Variants in PALM2AKAP2 observed in about 807,000 individuals in gnomAD.
The protein encoded by PALM2AKAP2 is PALM2 and AKAP2 fusion.
In PALM2AKAP2, 37 loss-of-function variants were observed where a neutral mutation model predicts 71.5. The observed-to-expected ratio is 0.52, with a 90% CI of 0.40 to 0.68. The LOEUF (loss-of-function observed/expected upper bound fraction) is 0.68, where lower values mean the gene tolerates loss of function less well. PALM2AKAP2 is among the 30% of genes least tolerant of loss of function. The pLI, the probability that PALM2AKAP2 is intolerant of heterozygous loss-of-function variation, is 0.00. For synonymous variants in PALM2AKAP2, 468 were observed against 478.8 expected (o/e 0.98, Z 0.29); for missense variants, 1,224 against 1,191.8 (o/e 1.03, Z -0.40).
chr9:109,865,494 G>T lies in PALM2AKAP2; in HGVS notation c.46-1997G>T, dbSNP rs148940993. 4.5e-3 allele frequency among the ~76,000 whole-genome samples: 680 copies of T among 152,180 alleles called. 3 individuals are homozygous for T. The highest frequency in any genetic ancestry group is 0.016 in the African/African-American group (650 of 41,494). On this transcript the variant is annotated intron_variant, in intron 1 of 9. Coordinates refer to the PALM2AKAP2 transcript ENST00000302798. Reference sequence around the variant, plus strand: ...GATCACCAATGAGCCTGCTGCTTGAGCATGTAAAGGTCCACTGCCCATACT... The same window carrying T: ...GATCACCAATGAGCCTGCTGCTTGATCATGTAAAGGTCCACTGCCCATACT...
chr9:109,859,642 C>T (rs1829260260), intron 1 of PALM2AKAP2, among the ~76,000 whole-genome samples: 1 of 152,152 alleles, frequency 6.6e-6, no homozygotes. Flanking sequence ...ATGGCAAGCT[C>T]AAGTCCAAAT....
At chr9:110,131,156 C>T (rs533351058) in intron 1 of PALM2AKAP2, among the ~76,000 whole-genome samples, 96 of 152,162 alleles carry the variant, frequency 6.3e-4, no homozygotes, top group African/African-American at 2.0e-3. Context: ...TAAATTGCCC[C>T]GATCAAGTAT....
intron 1 of PALM2AKAP2, among the ~76,000 whole-genome samples, chr9:109,816,520 C>A (rs1457849336): frequency 6.6e-6 from 1 of 152,034 alleles, no homozygotes; most frequent in Non-Finnish European, 1.5e-5. Flanking sequence ...CTAAACAGTT[C>A]CACATTTAGT....
chr9:109,989,085 T>G (rs55919029), intron 6 of PALM2AKAP2, among the ~76,000 whole-genome samples: 7,038 of 152,266 alleles, frequency 0.046, 265 homozygotes, highest in East Asian at 0.13. Flanking sequence ...CCAGTCTCAG[T>G]TATATCTTTA....
At chr9:109,688,152 C>T (rs1016312092) in intron 1 of PALM2AKAP2, among the ~76,000 whole-genome samples, 2 of 152,120 alleles carry the variant, frequency 1.3e-5, no homozygotes, top group Non-Finnish European at 2.9e-5. Flanking sequence ...CAAGAATGAC[C>T]AAAATGCGAC....
intron 1 of PALM2AKAP2, among the ~76,000 whole-genome samples, chr9:109,688,468 CT>C (rs1050497781): frequency 6.6e-6 from 1 of 152,214 alleles, no homozygotes; most frequent in African/African-American, 2.4e-5. Flanking sequence ...TTGTCAAGGA[CT>C]TTAGTGCAAG....
At chr9:109,667,126 G>A (rs928262209) in intron 1 of PALM2AKAP2, among the ~76,000 whole-genome samples, 1 of 152,174 alleles carries the variant, frequency 6.6e-6, no homozygotes, top group African/African-American at 2.4e-5. Context: ...CGTATTCTGA[G>A]CCACTCAATT....
At chr9:110,157,881 T>C (rs955500201) in intron 3 of PALM2AKAP2, among the ~76,000 whole-genome samples, 4 of 152,220 alleles carry the variant, frequency 2.6e-5, no homozygotes, top group Non-Finnish European at 5.9e-5. Flanking sequence ...TTTCAAAATA[T>C]ATGGCGGTAA....
chr9:109,793,206 A>T (rs1336200623), intron 1 of PALM2AKAP2, among the ~76,000 whole-genome samples: 1 of 152,226 alleles, frequency 6.6e-6, no homozygotes, highest in Non-Finnish European at 1.5e-5. Flanking sequence ...CTTTCCAGAG[A>T]ACAAGAAATG....
At chr9:109,941,501 C>T (rs749557094) in intron 6 of PALM2AKAP2, among the ~76,000 whole-genome samples, 5 of 152,116 alleles carry the variant, frequency 3.3e-5, no homozygotes, top group Non-Finnish European at 5.9e-5. Context: ...GCTTGAGAGA[C>T]TAGGTAGCAG....
At chr9:109,790,628 G>GTTTCTC (rs1165819356) in intron 1 of PALM2AKAP2, among the ~76,000 whole-genome samples, 33 of 152,160 alleles carry the variant, frequency 2.2e-4, no homozygotes, top group African/African-American at 7.5e-4. Context: ...GAGAGGCCGG[G>GTTTCTC]ATTTAAGAAA....
chr9:110,012,535 A>G (rs1832903376), intron 6 of PALM2AKAP2, among the ~76,000 whole-genome samples: 1 of 152,150 alleles, frequency 6.6e-6, no homozygotes, highest in African/African-American at 2.4e-5. Flanking sequence ...TAGCTTTTAA[A>G]ATAACATTTC....
chr9:109,654,888 C>T (rs543049696), intron 1 of PALM2AKAP2, among the ~76,000 whole-genome samples: 3 of 152,122 alleles, frequency 2.0e-5, no homozygotes, highest in East Asian at 3.9e-4. Flanking sequence ...CCCATTCAAC[C>T]GTCTCTTGGG....
At chr9:109,807,023 CAGAGGGAAA>C (rs1232240780) in intron 1 of PALM2AKAP2, among the ~76,000 whole-genome samples, 2 of 152,024 alleles carry the variant, frequency 1.3e-5, no homozygotes, top group Non-Finnish European at 2.9e-5. Context: ...TGTGGTAATT[CAGAGGGAAA>C]AGAGATACAT....
chr9:109,834,930 G>T (rs1402471235), intron 1 of PALM2AKAP2, among the ~76,000 whole-genome samples: 1 of 152,088 alleles, frequency 6.6e-6, no homozygotes, highest in East Asian at 1.9e-4. Flanking sequence ...TTAGGATTCA[G>T]TTTGATTCCC....
At chr9:109,649,788 G>A (rs1183094158) in intron 1 of PALM2AKAP2, among the ~76,000 whole-genome samples, 2 of 152,148 alleles carry the variant, frequency 1.3e-5, no homozygotes, top group Non-Finnish European at 2.9e-5. Context: ...GCTTTGGATT[G>A]GATATTTTGT....
At chr9:109,941,369 A>G (rs1831361818) in intron 6 of PALM2AKAP2, among the ~76,000 whole-genome samples, 1 of 152,104 alleles carries the variant, frequency 6.6e-6, no homozygotes. Context: ...CCTTGGTGAC[A>G]GAAATGGTGG....
At chr9:109,778,049 G>C (rs562532050), upstream of PALM2AKAP2, among the ~76,000 whole-genome samples, 1 of 152,002 alleles carries the variant, frequency 6.6e-6, no homozygotes, top group African/African-American at 2.4e-5. Flanking sequence ...AATTTATTGC[G>C]GTTAAAAATA....
chr9:109,820,753 A>G (rs1184848360), intron 1 of PALM2AKAP2, among the ~76,000 whole-genome samples: 3 of 152,208 alleles, frequency 2.0e-5, no homozygotes, highest in African/African-American at 7.2e-5. Context: ...CTGGAGCCTA[A>G]GGAAAGCACC....
Sources: allele counts gnomAD v4.1 joint callset (sites outside exome capture counted in the v4.1 genomes callset), GRCh38; gene constraint gnomAD v4.1.1; transcripts MANE v1.5; gene names NCBI Gene and HGNC (gene_info 2026-07-23, HGNC 2026-07-21).